PEBP4: variants seen among roughly 807,000 people sequenced by gnomAD.
PEBP4 encodes phosphatidylethanolamine-binding protein 4.
In PEBP4, 22 loss-of-function variants were observed where a neutral mutation model predicts 23.9. That is an observed-to-expected ratio of 0.92 (90% CI 0.66 to 1.31). The LOEUF is 1.31. Among genes scored for constraint, PEBP4 ranks in the 40% most tolerant of loss-of-function variants. The pLI, the probability that PEBP4 is intolerant of heterozygous loss-of-function variation, is 0.00. For missense variants in PEBP4, 324 were observed against 281.7 expected, an observed-to-expected ratio of 1.15 and a Z score of -1.07; for synonymous variants, 112 against 99.3, an observed-to-expected ratio of 1.13 and a Z score of -0.76.
chr8:22,833,634 G>A (rs1215203841), intron 3 of PEBP4, among the ~76,000 whole-genome samples: 3 of 152,198 alleles, frequency 2.0e-5, no homozygotes, highest in Non-Finnish European at 2.9e-5. Context: ...TCGAATGTGG[G>A]TTACTGTCTC....
At chr8:22,840,398 CTTCT>C (rs1005067751) in intron 3 of PEBP4, among the ~76,000 whole-genome samples, 12 of 150,718 alleles carry the variant, frequency 8.0e-5, no homozygotes, top group African/African-American at 2.4e-4. Flanking sequence ...AAAATTTTTT[CTTCT>C]TTTAATTTTT....
chr8:22,898,196 G>A (rs1419507052), intron 3 of PEBP4, among the ~76,000 whole-genome samples: 7 of 151,554 alleles, frequency 4.6e-5, no homozygotes, highest in East Asian at 3.9e-4. Context: ...GTTTGAGACC[G>A]GCTTGGCCAA....
At chr8:22,885,453 C>T (rs1249453388) in intron 3 of PEBP4, 1 of 152,172 alleles carries the variant, frequency 6.6e-6, no homozygotes, top group Non-Finnish European at 1.5e-5. Context: ...CTGGCCTTTC[C>T]CTGCTATGAC....
At chr8:22,935,830 A>G (rs1282301880) in intron 1 of PEBP4, among the ~76,000 whole-genome samples, 1 of 152,212 alleles carries the variant, frequency 6.6e-6, no homozygotes, top group East Asian at 1.9e-4. Flanking sequence ...GAAATTTGAA[A>G]TACTTCTTGT....
intron 4 of PEBP4, among the ~76,000 whole-genome samples, chr8:22,776,584 C>T (rs965803792): frequency 1.3e-5 from 2 of 151,830 alleles, no homozygotes; most frequent in Non-Finnish European, 1.5e-5. Context: ...CTCCATCAGC[C>T]GAGTCCTCTC....
intron 4 of PEBP4, among the ~76,000 whole-genome samples, chr8:22,792,539 C>T (rs1806160566): frequency 6.6e-6 from 1 of 152,168 alleles, no homozygotes; most frequent in Non-Finnish European, 1.5e-5. Flanking sequence ...CTTTCCTGCT[C>T]ATCCCAGTCA....
chr8:22,897,414 G>A (rs1195599802), intron 3 of PEBP4, among the ~76,000 whole-genome samples: 1 of 152,164 alleles, frequency 6.6e-6, no homozygotes, highest in Non-Finnish European at 1.5e-5. Context: ...ACTATGTGGA[G>A]TACTGAGGCA....
At chr8:22,777,541 C>T (rs971058677) in intron 4 of PEBP4, among the ~76,000 whole-genome samples, 2 of 152,168 alleles carry the variant, frequency 1.3e-5, no homozygotes, top group Non-Finnish European at 2.9e-5. Context: ...ACAGGACCTC[C>T]TGGTGACAGC....
At chr8:22,907,155 T>C (rs967464692) in intron 3 of PEBP4, among the ~76,000 whole-genome samples, 4 of 152,084 alleles carry the variant, frequency 2.6e-5, no homozygotes, top group African/African-American at 9.7e-5. Context: ...GCATGCCCCA[T>C]GCAGTCAAGA....
chr8:22,749,409 G>GCCTC (rs1805198471), intron 4 of PEBP4, among the ~76,000 whole-genome samples: 1 of 152,166 alleles, frequency 6.6e-6, no homozygotes, highest in Non-Finnish European at 1.5e-5. Flanking sequence ...TGTCTTCCCG[G>GCCTC]GCTCACGGCC....
In PEBP4 at chr8:22,898,391, C is replaced by CAAAAAAAAA. The variant is rs536993520; in HGVS notation, c.258+21784_258+21792dup. Reference sequence around the variant, plus strand: ...TGAGCGACAGAGGAAGACTCCACCCCAAAAAAAAAAAAAAAAAAAAAAAAA... The same window carrying CAAAAAAAAA: ...TGAGCGACAGAGGAAGACTCCACCCCAAAAAAAAAAAAAAAAAAAAAAAAAAAAAAAAAA... On this transcript the variant is annotated intron_variant, in intron 3 of 6. Coordinates refer to ENST00000256404, the MANE Select transcript of PEBP4 (RefSeq NM_144962.3). 9.7e-3 allele frequency among the ~76,000 whole-genome samples: 77 copies of CAAAAAAAAA among 7,966 alleles called. 27 individuals carry two copies. The highest frequency in any genetic ancestry group is 0.038 in the East Asian group (12 of 316). The allele number at this position is 7,966 out of a possible 152,430, so 5.2% of individuals were successfully genotyped here. A position where few individuals can be genotyped will look rare whatever the true frequency, so the allele number is the denominator to read the frequency against.
chr8:22,840,743 G>A lies in PEBP4; in HGVS notation c.259-23008C>T, dbSNP rs188872669. On this transcript the variant is annotated intron_variant, in intron 3 of 6. Transcript: ENST00000256404. ...TAGTTACATCGCACTGGCTTTTGGT[G>A]TGTTTGCTCCCATCACCACCTTGTG... Among the ~76,000 whole-genome samples, 11 of 152,300 alleles carry A rather than the reference G, an allele frequency of 7.2e-5. No homozygotes were observed. The East Asian group carries it at 2.1e-3, about 29-fold the overall frequency.
chr8:22,920,437 C>G, intron 2 of PEBP4, 127 bp from the exon 3 acceptor site: 1 of 1,137,846 alleles, frequency 8.8e-7, no homozygotes, highest in African/African-American at 1.5e-5. Flanking sequence ...CTGCCACTAA[C>G]TAGTTGTGTG....
intron 3 of PEBP4, among the ~76,000 whole-genome samples, chr8:22,861,524 C>A (rs1807778245): frequency 6.6e-6 from 1 of 152,226 alleles, no homozygotes; most frequent in African/African-American, 2.4e-5. Context: ...TGCAGGCGGG[C>A]AAACTCCCAA....
intron 4 of PEBP4, among the ~76,000 whole-genome samples, chr8:22,749,626 G>C (rs1805203868): frequency 6.6e-6 from 1 of 152,024 alleles, no homozygotes; most frequent in African/African-American, 2.4e-5. Flanking sequence ...ATCCAGGTGG[G>C]TAGCTGCGGC....
intron 3 of PEBP4, among the ~76,000 whole-genome samples, chr8:22,899,680 A>C (rs147261351): frequency 3.2e-4 from 49 of 152,264 alleles, no homozygotes; most frequent in Non-Finnish European, 6.2e-4. Context: ...CAGGGTGAGG[A>C]GGAGAGAGAG....
chr8:22,809,123 G>A (rs1806562836), intron 4 of PEBP4, among the ~76,000 whole-genome samples: 1 of 152,208 alleles, frequency 6.6e-6, no homozygotes, highest in Non-Finnish European at 1.5e-5. Flanking sequence ...AAGGAGGAAA[G>A]AGCCAGCATA....
At chr8:22,914,945 A>G (rs1388924556) in intron 3 of PEBP4, among the ~76,000 whole-genome samples, 1 of 152,088 alleles carries the variant, frequency 6.6e-6, no homozygotes, top group Admixed American at 6.5e-5. Context: ...TGGCATAACT[A>G]TTAACAGCAT....
intron 2 of PEBP4, among the ~76,000 whole-genome samples, chr8:22,926,801 G>A (rs1809344958): frequency 6.6e-6 from 1 of 152,148 alleles, no homozygotes; most frequent in African/African-American, 2.4e-5. Context: ...AAATTCAAAG[G>A]TACAGAAGAG....
Sources: allele counts gnomAD v4.1 joint callset (sites outside exome capture counted in the v4.1 genomes callset), GRCh38; gene constraint gnomAD v4.1.1; transcripts MANE v1.5; gene names NCBI Gene and HGNC (gene_info 2026-07-23, HGNC 2026-07-21).